AFF3: variants seen among roughly 807,000 people sequenced by gnomAD.
AFF3 encodes the protein AF4/FMR2 family member 3.
Under a neutral mutation model 129.7 loss-of-function variants are expected in AFF3, and 32 were observed. The observed-to-expected ratio is 0.25, with a 90% CI of 0.19 to 0.33. The LOEUF (loss-of-function observed/expected upper bound fraction) is 0.33, where lower values mean the gene tolerates loss of function less well. Among genes scored for constraint, AFF3 ranks in the 10% least tolerant of loss-of-function variants. The pLI, the probability that AFF3 is intolerant of heterozygous loss-of-function variation, is 1.00. For synonymous variants in AFF3, 644 were observed against 635.4 expected (o/e 1.01, Z -0.20); for missense variants, 1,373 against 1,592.0 (o/e 0.86, Z 2.34).
At chr2:100,138,008 G>GCAAACAAACCC in intron 1 of AFF3, among the ~76,000 whole-genome samples, 1 of 152,134 alleles carries the variant, frequency 6.6e-6, no homozygotes, top group Non-Finnish European at 1.5e-5. Context: ...TCTCCCTTTT[G>GCAAACAAACCC]TATGCCTATT....
At chr2:100,069,765 T>C (rs1688018693) in intron 4 of AFF3, among the ~76,000 whole-genome samples, 1 of 152,220 alleles carries the variant, frequency 6.6e-6, no homozygotes, top group Non-Finnish European at 1.5e-5. Flanking sequence ...TTAAAATTAA[T>C]GTATCATCAA....
At chr2:99,592,769 A>T (rs1678815068) in intron 15 of AFF3, among the ~76,000 whole-genome samples, 1 of 152,062 alleles carries the variant, frequency 6.6e-6, no homozygotes. Context: ...CCCTGTCTTT[A>T]CTAAAAATAC....
intron 4 of AFF3, among the ~76,000 whole-genome samples, chr2:100,029,843 C>T (rs985983735): frequency 9.9e-5 from 15 of 152,132 alleles, no homozygotes; most frequent in Non-Finnish European, 4.4e-5. Context: ...GGCAGGTAGA[C>T]TGCTTGAGCC....
At chr2:99,631,082 C>T in intron 13 of AFF3, 1 of 380,242 alleles carries the variant, frequency 2.6e-6, no homozygotes, top group Non-Finnish European at 5.5e-6. Context: ...GAGTGGGGCT[C>T]AGGCAGGGCC....
intron 7 of AFF3, among the ~76,000 whole-genome samples, chr2:99,910,471 A>C (rs1695033356): frequency 6.6e-6 from 1 of 152,244 alleles, no homozygotes; most frequent in Non-Finnish European, 1.5e-5. Context: ...CATTTTGATC[A>C]CTGCATGTGC....
intron 4 of AFF3, among the ~76,000 whole-genome samples, chr2:100,082,201 CAAT>C (rs1241920569): frequency 1.3e-5 from 2 of 152,054 alleles, no homozygotes; most frequent in African/African-American, 4.8e-5. Flanking sequence ...CGTAAGTAAA[CAAT>C]GTCAGGAAAA....
intron 7 of AFF3, among the ~76,000 whole-genome samples, chr2:99,921,075 C>T (rs761869590): frequency 6.6e-6 from 1 of 152,026 alleles, no homozygotes; most frequent in Non-Finnish European, 1.5e-5. Context: ...TCTAAAGATT[C>T]AATACCATCC....
intron 4 of AFF3, among the ~76,000 whole-genome samples, chr2:100,062,552 C>T (rs1488927317): frequency 6.6e-6 from 1 of 152,122 alleles, no homozygotes; most frequent in Non-Finnish European, 1.5e-5. Context: ...GAGGCTGGGC[C>T]TCAGCTCTGT....
rs1000991324 is a variant in AFF3 at position 99,695,202 on chromosome 2, G to C, written c.1092-22613C>G. ...TCATACTTAAGCCTACCTCAGCTCAGACTCCCCATTTCAAGTGTTTGACAG... is the reference window on the plus strand; with the variant it reads ...TCATACTTAAGCCTACCTCAGCTCACACTCCCCATTTCAAGTGTTTGACAG... On this transcript the variant is annotated intron_variant, in intron 11 of 24. Transcript: ENST00000672756. 2.6e-5 allele frequency among the ~76,000 whole-genome samples: 4 copies of C among 152,222 alleles called. No homozygotes were observed. The East Asian group carries it at 7.7e-4, about 29-fold the overall frequency.
At chr2:99,911,337 G>A (rs1310507835) in intron 7 of AFF3, among the ~76,000 whole-genome samples, 2 of 151,524 alleles carry the variant, frequency 1.3e-5, no homozygotes, top group Non-Finnish European at 2.9e-5. Context: ...GCAGTGGGCC[G>A]AGATCGTGCC....
At chr2:99,858,689 A>T (rs999057462) in intron 7 of AFF3, among the ~76,000 whole-genome samples, 1 of 152,324 alleles carries the variant, frequency 6.6e-6, no homozygotes, top group Admixed American at 6.5e-5. Context: ...TATAAGTGGG[A>T]GCTAAATGAT....
intron 4 of AFF3, among the ~76,000 whole-genome samples, chr2:100,067,768 C>A (rs1687845309): frequency 6.6e-6 from 1 of 151,948 alleles, no homozygotes. Context: ...AGAACTATGT[C>A]CTAGAAAATT....
intron 7 of AFF3, among the ~76,000 whole-genome samples, chr2:99,872,421 C>T (rs561758166): frequency 6.1e-4 from 93 of 151,812 alleles, no homozygotes; most frequent in African/African-American, 2.0e-3. Context: ...CACCACAGAG[C>T]GAAGGGGATC....
intron 7 of AFF3, among the ~76,000 whole-genome samples, chr2:99,961,401 G>A (rs1224241934): frequency 1.3e-5 from 2 of 152,186 alleles, no homozygotes; most frequent in Admixed American, 6.5e-5. Flanking sequence ...GGGCCCCGGT[G>A]TTTCTTGCCC....
At chr2:99,625,895 A>C (rs1682495003) in intron 13 of AFF3, among the ~76,000 whole-genome samples, 1 of 152,222 alleles carries the variant, frequency 6.6e-6, no homozygotes, top group Non-Finnish European at 1.5e-5. Context: ...TTTTCCAGTG[A>C]AATAAAACCT....
intron 8 of AFF3, among the ~76,000 whole-genome samples, chr2:99,790,799 T>C (rs1685138526): frequency 6.6e-6 from 1 of 152,198 alleles, no homozygotes; most frequent in Non-Finnish European, 1.5e-5. Context: ...ACGGTGATTG[T>C]ACTCTGGGTA....
chr2:100,015,989 G>A (rs906786452), intron 4 of AFF3, among the ~76,000 whole-genome samples: 2 of 151,650 alleles, frequency 1.3e-5, no homozygotes, highest in African/African-American at 4.8e-5. Context: ...GGTAGCAATG[G>A]TGACAGTAGT....
chr2:99,950,143 CTAAATCTTACG>C (rs1676007067), intron 7 of AFF3, among the ~76,000 whole-genome samples: 1 of 152,168 alleles, frequency 6.6e-6, no homozygotes, highest in African/African-American at 2.4e-5. Context: ...GTGACTTTAG[CTAAATCTTACG>C]TACATGTGCC....
intron 7 of AFF3, among the ~76,000 whole-genome samples, chr2:99,934,928 G>A (rs1048639094): frequency 3.3e-4 from 50 of 152,154 alleles, no homozygotes; most frequent in African/African-American, 1.2e-3. Context: ...AATGTGACTG[G>A]GATGTTTAAT....
Sources: gnomAD v4.1 joint callset for allele counts (sites outside exome capture counted in the v4.1 genomes callset) on GRCh38, gnomAD v4.1.1 for gene constraint, MANE v1.5 for transcripts, NCBI Gene and HGNC (gene_info 2026-07-23, HGNC 2026-07-21) for gene names.